Variants in AP2A2 observed in about 807,000 individuals in gnomAD.
AP2A2 encodes AP-2 complex subunit alpha-2.
In AP2A2, 32 loss-of-function variants were observed where a neutral mutation model predicts 104.2. The observed-to-expected ratio is 0.31, with a 90% confidence interval of 0.23 to 0.41. The LOEUF is 0.41. Ranked by LOEUF, AP2A2 falls within the 10% of genes least tolerant of loss-of-function variation. AP2A2 has a pLI of 1.00. For missense variants in AP2A2, 912 were observed against 1,261.0 expected (o/e 0.72, Z 4.19); for synonymous variants, 539 against 533.3 (o/e 1.01, Z -0.15).
At chr11:994,557 G>C (rs1206565481) in intron 14 of AP2A2, among the ~76,000 whole-genome samples, 2 of 148,396 alleles carry the variant, frequency 1.3e-5, no homozygotes, top group African/African-American at 5.0e-5. Context: ...GCCTGTCCCG[G>C]GGGCCACTGT....
At position 992,909 on chromosome 11, in the gene AP2A2, C is replaced by T. The variant is rs1855708341; in HGVS notation, c.1452+224C>T. On this transcript the variant is annotated intron_variant, in intron 11 of 21. Coordinates refer to ENST00000448903, the MANE Select transcript of AP2A2 (RefSeq NM_012305.4). The surrounding 1 kb of genome is among the most constrained non-coding windows in gnomAD (Gnocchi z 6.4). ...CAAACTTCTGGCTCTCTGGGGGCCA[C>T]CTGAGAAAGCCGGCCTCTGTGTGTG... Among the ~76,000 whole-genome samples the T allele has an allele frequency of 6.6e-6, 1 of 152,156 alleles. No individual in the cohort carries two copies. Among genetic ancestry groups the T allele is most frequent in the South Asian group, 2.1e-4 (1 of 4,824 alleles).
chr11:977,406 G>C (rs1291859474), intron 5 of AP2A2, among the ~76,000 whole-genome samples, 182 bp downstream of exon 5: 1 of 151,638 alleles, frequency 6.6e-6, no homozygotes, highest in East Asian at 1.9e-4. Context: ...CTCCGCCTCT[G>C]CTCATCCTGT....
intron 1 of AP2A2, among the ~76,000 whole-genome samples, chr11:945,813 G>A (rs896366341): frequency 5.9e-5 from 9 of 152,166 alleles, no homozygotes; most frequent in Non-Finnish European, 1.2e-4. Context: ...AAAAGGAAAA[G>A]AATGGTCATT....
At chr11:1,008,200 C>T (rs1856275846) in intron 18 of AP2A2, 65 bp downstream of exon 18, 2 of 1,509,984 alleles carry the variant, frequency 1.3e-6, no homozygotes, top group Non-Finnish European at 1.8e-6. Flanking sequence ...TGCCTGGGCT[C>T]CATGACTGTG....
intron 1 of AP2A2, among the ~76,000 whole-genome samples, chr11:936,846 T>C (rs1215160135): frequency 6.6e-6 from 1 of 152,106 alleles, no homozygotes; most frequent in African/African-American, 2.4e-5. Context: ...GCCTGTAGTC[T>C]GGGGCTAGTT....
intron 5 of AP2A2, among the ~76,000 whole-genome samples, chr11:979,222 A>AG (rs1400118981): frequency 6.7e-6 from 1 of 150,002 alleles, no homozygotes; most frequent in Non-Finnish European, 1.5e-5. Flanking sequence ...AGCCTGTTGC[A>AG]GGGGGCATTC....
In AP2A2 at chr11:1,009,146, C is replaced by T. The variant is rs902346287; in HGVS notation, c.2467C>T (p.Leu823Phe). ...QNVSVQLPITLNKFFQPTEMA... is the reference protein window; with the variant it reads ...QNVSVQLPITFNKFFQPTEMA... The stretch of plus-strand genomic sequence containing the variant: ...CGTGTCTGTGCAGCTGCCCATCACT[C>T]TCAACAAATTCTTCCAGCCGACAGA... Residue 823 changes from leucine (L) to phenylalanine (F), a missense_variant, in exon 19 of 22, where the codon CTC becomes TTC. Around this residue, in one of 7 missense-constraint regions of AP2A2, gnomAD observed 239 missense variants for 329.8 expected, o/e 0.72. Coordinates refer to ENST00000448903, the MANE Select transcript of AP2A2 (RefSeq NM_012305.4). The T allele has an allele frequency of 6.2e-7, 1 of 1,613,530 alleles. No individual in the cohort carries two copies. Among genetic ancestry groups the T allele is most frequent in the African/African-American group, 1.3e-5 (1 of 74,936 alleles).
At chr11:995,250 T>C (rs966360440) in intron 14 of AP2A2, 2 of 454,096 alleles carry the variant, frequency 4.4e-6, no homozygotes, top group Non-Finnish European at 8.9e-6. Flanking sequence ...AGGTTTTATG[T>C]AGTGAGTTGG....
intron 1 of AP2A2, chr11:933,595 C>T (rs559467683): frequency 5.3e-5 from 24 of 456,060 alleles, no homozygotes; most frequent in Non-Finnish European, 8.4e-5. Context: ...GAAGAAATAG[C>T]ATGTGAGTAG....
At chr11:995,615 G>A (rs562089467) in intron 14 of AP2A2, among the ~76,000 whole-genome samples, 73 of 151,156 alleles carry the variant, frequency 4.8e-4, no homozygotes, top group Non-Finnish European at 3.7e-4. Flanking sequence ...ACTCCTTGGC[G>A]GGGACCTGCT....
At chr11:948,848 C>CAA (rs34879809) in intron 1 of AP2A2, among the ~76,000 whole-genome samples, 76,979 of 151,710 alleles carry the variant, frequency 0.51, 20,115 homozygotes, top group Middle Eastern at 0.66. Flanking sequence ...ACCTGGGCAA[C>CAA]GAGCGAAACT....
rs1219339891 is a variant in AP2A2 at position 985,365 on chromosome 11, C to T, written c.815-70C>T. 1.5e-5 allele frequency: 23 copies of T among 1,546,166 alleles called. No homozygotes were observed. The Admixed American group carries it at 2.2e-4, about 15-fold the overall frequency. The stretch of plus-strand genomic sequence containing the variant: ...AAAATGCTCTCATGATGTATGGGTG[C>T]AGCCGGGAGGGGCAGGGTGGGCTGC... On this transcript the variant is annotated intron_variant, in intron 7 of 21. Coordinates refer to ENST00000448903, the MANE Select transcript of AP2A2 (RefSeq NM_012305.4).
chr11:957,529 C>T (rs1312052411), intron 1 of AP2A2, among the ~76,000 whole-genome samples: 1 of 152,176 alleles, frequency 6.6e-6, no homozygotes. Flanking sequence ...GCCAGCTCCA[C>T]GACAGAAAGG....
rs1442335636 is a variant in AP2A2, at chr11:925,899, C to G, written c.-123C>G. 31 of 669,526 alleles carry G rather than the reference C, an allele frequency of 4.6e-5. No homozygotes were observed. Among genetic ancestry groups the G allele is most frequent in the Non-Finnish European group, 5.8e-5 (27 of 465,710 alleles). 41.5% of individuals were successfully genotyped at this position (669,526 alleles called of 1,614,324 possible). On this transcript the variant is annotated 5_prime_UTR_variant, in exon 1 of 22. Coordinates refer to ENST00000448903, the MANE Select transcript of AP2A2 (RefSeq NM_012305.4). ...AGCGGCGCTGGGACCCTGAGGCGGC[C>G]GTGGTTAGGCGGCTCCCCGGCGGCT...
intron 1 of AP2A2, among the ~76,000 whole-genome samples, chr11:958,163 G>A (rs928483060): frequency 3.3e-5 from 5 of 152,242 alleles, no homozygotes; most frequent in Non-Finnish European, 7.3e-5. Context: ...CCTTGTAAGA[G>A]GAAGAGAGAG....
intron 1 of AP2A2, among the ~76,000 whole-genome samples, chr11:944,206 G>C (rs1853755891): frequency 6.6e-6 from 1 of 152,224 alleles, no homozygotes; most frequent in Admixed American, 6.5e-5. Flanking sequence ...TGGCACCTCT[G>C]GTGATCCCGT....
intron 14 of AP2A2, among the ~76,000 whole-genome samples, chr11:999,380 C>T (rs114807638): frequency 0.03 from 4,587 of 152,206 alleles, 229 homozygotes; most frequent in African/African-American, 0.1. Context: ...GGCGTGATGG[C>T]GGCCACCTGT....
chr11:975,575 G>A (rs55766948), intron 4 of AP2A2, among the ~76,000 whole-genome samples: 1,222 of 48,700 alleles, frequency 0.025, no homozygotes, highest in Middle Eastern at 0.11. Context: ...GTGAGCCGAC[G>A]TCGGAGAGTA....
chr11:984,457 A>C (rs1018892715), intron 6 of AP2A2, among the ~76,000 whole-genome samples, 188 bp from the exon 7 acceptor site: 2 of 152,136 alleles, frequency 1.3e-5, no homozygotes, highest in Admixed American at 1.3e-4. Context: ...CGTGTTGCCG[A>C]GTGACAGTGC....
Sources: gnomAD v4.1 joint callset for allele counts (sites outside exome capture counted in the v4.1 genomes callset) on GRCh38, gnomAD v4.1.1 for gene constraint, gnomAD v4.1.1 regional missense constraint, Gnocchi (gnomAD v3.1) non-coding constraint, MANE v1.5 for transcripts, NCBI Gene and HGNC (gene_info 2026-07-23, HGNC 2026-07-21) for gene names.